CDH12: variants seen among roughly 807,000 people sequenced by gnomAD.
CDH12 encodes cadherin-12.
CDH12 carries 41 observed loss-of-function variants against 74.1 expected under a neutral mutation model. The observed-to-expected ratio is 0.55, with a 90% CI of 0.43 to 0.72. The LOEUF (loss-of-function observed/expected upper bound fraction) is 0.72. Among genes scored for constraint, CDH12 ranks in the 30% least tolerant of loss-of-function variants. CDH12 has a pLI of 0.00. For synonymous variants in CDH12, 399 were observed against 355.0 expected (o/e 1.12, Z -1.39); for missense variants, 945 against 977.2 (o/e 0.97, Z 0.44).
chr5:21,919,518 G>A (rs758851651), intron 6 of CDH12, among the ~76,000 whole-genome samples: 38 of 151,848 alleles, frequency 2.5e-4, no homozygotes, highest in Admixed American at 5.3e-4. Context: ...CTTCTTTCAT[G>A]CAAATTCTTC....
At chr5:22,537,521 T>A (rs920963024) in intron 1 of CDH12, among the ~76,000 whole-genome samples, 2 of 151,814 alleles carry the variant, frequency 1.3e-5, no homozygotes, top group African/African-American at 4.8e-5. Flanking sequence ...ACAAATAACA[T>A]CTCCAACCAG....
At chr5:22,810,110 A>G (rs761339211) in intron 1 of CDH12, among the ~76,000 whole-genome samples, 27 of 152,210 alleles carry the variant, frequency 1.8e-4, no homozygotes, top group Non-Finnish European at 2.1e-4. Context: ...TTATTTCCCA[A>G]ATCATTAGTT....
chr5:21,958,656 C>T (rs1289733048), intron 6 of CDH12, among the ~76,000 whole-genome samples: 1 of 151,906 alleles, frequency 6.6e-6, no homozygotes, highest in East Asian at 1.9e-4. Context: ...GGTTTATGTC[C>T]CTGTTTTTGT....
In CDH12 at chr5:21,751,845, T is replaced by A; in HGVS notation, c.2277A>T (p.Thr759=). 6.2e-7 allele frequency: 1 copy of A among 1,614,148 alleles called. No homozygotes were observed. The highest frequency in any genetic ancestry group is 1.1e-5 in the South Asian group (1 of 91,088). ...GATAGTCATAGTCCTGGTCGGCTTC[T>A]GTGGTGAGAGAGTCTATAGAGCTGA... ...ESLSSIDSLT[T]EADQDYDYLT... The change falls in exon 15 of 15, where the codon ACA becomes ACT. Residue 759 remains threonine (T), a synonymous_variant. Transcript: ENST00000382254.
At chr5:22,102,593 C>T (rs1193463912) in intron 4 of CDH12, among the ~76,000 whole-genome samples, 2 of 151,972 alleles carry the variant, frequency 1.3e-5, no homozygotes, top group Non-Finnish European at 2.9e-5. Context: ...CGCTTGTACC[C>T]GGGAGGCGTA....
intron 3 of CDH12, among the ~76,000 whole-genome samples, chr5:22,345,585 T>C (rs889461961): frequency 9.2e-5 from 14 of 152,200 alleles, no homozygotes; most frequent in African/African-American, 3.1e-4. Flanking sequence ...GCAAAAGTAA[T>C]TGCAGTTTTT....
At chr5:22,765,694 T>C (rs144914398) in intron 1 of CDH12, among the ~76,000 whole-genome samples, 6 of 151,896 alleles carry the variant, frequency 4.0e-5, no homozygotes, top group African/African-American at 1.4e-4. Flanking sequence ...TTTTTTCATC[T>C]GTTTTGCTAT....
At chr5:22,025,891 T>C (rs561250109) in intron 5 of CDH12, among the ~76,000 whole-genome samples, 39 of 152,258 alleles carry the variant, frequency 2.6e-4, no homozygotes, top group African/African-American at 8.9e-4. Context: ...AGTTTAATCA[T>C]GAGATTGCAG....
chr5:22,065,500 A>C (rs1741494971), intron 5 of CDH12, among the ~76,000 whole-genome samples: 1 of 152,146 alleles, frequency 6.6e-6, no homozygotes, highest in Admixed American at 6.6e-5. Context: ...ACAGTAAATG[A>C]ATGTGAAATG....
intron 3 of CDH12, among the ~76,000 whole-genome samples, chr5:22,285,983 T>C (rs1737115812): frequency 6.6e-6 from 1 of 152,072 alleles, no homozygotes; most frequent in Admixed American, 6.5e-5. Context: ...TTATAATTTA[T>C]CTTTATAATT....
chr5:22,700,374 G>A (rs1386464060), intron 1 of CDH12, among the ~76,000 whole-genome samples: 2 of 152,148 alleles, frequency 1.3e-5, no homozygotes, highest in African/African-American at 4.8e-5. Context: ...AGAACTCTGT[G>A]TTTAAGAATC....
chr5:22,684,568 T>C (rs781020384), intron 1 of CDH12, among the ~76,000 whole-genome samples: 12 of 152,170 alleles, frequency 7.9e-5, no homozygotes, highest in Non-Finnish European at 1.5e-4. Flanking sequence ...AGGTAAAGCA[T>C]AAAAGATGGG....
chr5:21,915,939 A>G (rs541064701), intron 6 of CDH12, among the ~76,000 whole-genome samples: 5 of 90,116 alleles, frequency 5.5e-5, no homozygotes, highest in Non-Finnish European at 1.1e-4. Flanking sequence ...GGGGTAGAAA[A>G]CAAGGCCTTC....
intron 3 of CDH12, among the ~76,000 whole-genome samples, chr5:22,219,484 T>C (rs1180153670): frequency 6.6e-6 from 1 of 151,756 alleles, no homozygotes; most frequent in Non-Finnish European, 1.5e-5. Flanking sequence ...AAGTCAATAA[T>C]TTGCTGCCAC....
intron 1 of CDH12, among the ~76,000 whole-genome samples, chr5:22,803,689 T>A (rs1357468397): frequency 6.6e-6 from 1 of 152,178 alleles, no homozygotes. Context: ...CTTTTTCATA[T>A]CTATAGAAAA....
intron 5 of CDH12, among the ~76,000 whole-genome samples, chr5:22,040,385 G>C (rs1739494462): frequency 6.6e-6 from 1 of 152,080 alleles, no homozygotes; most frequent in South Asian, 2.1e-4. Flanking sequence ...AGGACAGAAA[G>C]CTTATTATAA....
intron 4 of CDH12, among the ~76,000 whole-genome samples, chr5:22,211,591 A>G (rs1445345865): frequency 6.6e-6 from 1 of 151,938 alleles, no homozygotes; most frequent in Non-Finnish European, 1.5e-5. Flanking sequence ...TTTGGAAAAA[A>G]GTTGCTTACA....
chr5:22,370,176 G>C (rs554493458), intron 3 of CDH12, among the ~76,000 whole-genome samples: 1 of 152,106 alleles, frequency 6.6e-6, no homozygotes, highest in African/African-American at 2.4e-5. Flanking sequence ...ATATTCAAGA[G>C]AAATTATTTT....
At chr5:22,428,195 GTATATATA>G (rs551312354) in intron 2 of CDH12, among the ~76,000 whole-genome samples, 7 of 65,336 alleles carry the variant, frequency 1.1e-4, no homozygotes, top group Admixed American at 5.1e-4. Context: ...ACACACATAT[GTATATATA>G]TATACACACA....
Sources: allele counts gnomAD v4.1 joint callset (sites outside exome capture counted in the v4.1 genomes callset), GRCh38; gene constraint gnomAD v4.1.1; transcripts MANE v1.5; gene names NCBI Gene and HGNC (gene_info 2026-07-23, HGNC 2026-07-21).